ZMYM4: variants seen among roughly 807,000 people sequenced by gnomAD.
ZMYM4 encodes the protein zinc finger MYM-type containing 4, also known as zinc finger MYM-type protein 4.
ZMYM4 carries 31 observed loss-of-function variants against 183.2 expected under a neutral mutation model. That is an observed-to-expected ratio of 0.17 (90% CI 0.13 to 0.23). The LOEUF (loss-of-function observed/expected upper bound fraction) is 0.23. ZMYM4 is among the 10% of genes least tolerant of loss of function. The pLI is 1.00. For missense variants in ZMYM4, 1,273 were observed against 1,840.3 expected (o/e 0.69, Z 5.64); for synonymous variants, 592 against 631.2 (o/e 0.94, Z 0.93).
At chr1:35,339,943 CTGTT>C (rs1447723327) in intron 2 of ZMYM4, among the ~76,000 whole-genome samples, 3 of 152,148 alleles carry the variant, frequency 2.0e-5, no homozygotes, top group Non-Finnish European at 4.4e-5. Context: ...TTTTCTTGGA[CTGTT>C]TGTTTGTTTA....
chr1:35,346,713 T>C (rs1238508142), intron 2 of ZMYM4, among the ~76,000 whole-genome samples: 2 of 150,454 alleles, frequency 1.3e-5, no homozygotes, highest in African/African-American at 4.9e-5. Context: ...ATAATTTCCC[T>C]AAGTAGCTTT....
intron 23 of ZMYM4, chr1:35,400,158 A>G (rs1446866248): frequency 6.7e-6 from 1 of 148,260 alleles, no homozygotes; most frequent in Non-Finnish European, 1.5e-5. Flanking sequence ...AAAAAAAAAA[A>G]GTAATAATAA....
chr1:35,396,441 G>C, intron 18 of ZMYM4, 111 bp from the exon 19 acceptor site: 1 of 1,455,128 alleles, frequency 6.9e-7, no homozygotes, highest in South Asian at 1.4e-5. Context: ...TAGTGTCATA[G>C]GTTACTCTTA....
At chr1:35,302,628 G>T (rs1028480737) in intron 1 of ZMYM4, among the ~76,000 whole-genome samples, 1 of 151,728 alleles carries the variant, frequency 6.6e-6, no homozygotes, top group East Asian at 1.9e-4. Flanking sequence ...CTCATGATCC[G>T]CCCTCCTCGG....
intron 2 of ZMYM4, among the ~76,000 whole-genome samples, chr1:35,340,342 A>G (rs1643152880): frequency 1.3e-5 from 2 of 152,154 alleles, no homozygotes; most frequent in Admixed American, 1.3e-4. Context: ...TAGCTTTTCC[A>G]TGGACCCAGG....
At chr1:35,368,120 A>T (rs977920037) in intron 5 of ZMYM4, among the ~76,000 whole-genome samples, 3 of 119,738 alleles carry the variant, frequency 2.5e-5, no homozygotes, top group African/African-American at 9.9e-5. Context: ...ATAAAGTTTT[A>T]TTTGAACATT....
At chr1:35,275,708 G>A (rs1219769663) in intron 1 of ZMYM4, among the ~76,000 whole-genome samples, 1 of 151,946 alleles carries the variant, frequency 6.6e-6, no homozygotes, top group Non-Finnish European at 1.5e-5. Flanking sequence ...ACTTACTTTA[G>A]CAAAGGAGAA....
chr1:35,294,533 TATG>T (rs1033811276), intron 1 of ZMYM4, among the ~76,000 whole-genome samples: 1 of 152,128 alleles, frequency 6.6e-6, no homozygotes, highest in Non-Finnish European at 1.5e-5. Context: ...GGGTCTTAAA[TATG>T]ATACTGGTAT....
intron 1 of ZMYM4, among the ~76,000 whole-genome samples, chr1:35,278,502 T>C (rs1639984903): frequency 1.3e-5 from 2 of 151,410 alleles, no homozygotes; most frequent in African/African-American, 2.4e-5. Flanking sequence ...CTTGGCTCAC[T>C]GCAACCTCTG....
At chr1:35,380,749 A>G (rs1225118077) in intron 7 of ZMYM4, among the ~76,000 whole-genome samples, 4 of 152,162 alleles carry the variant, frequency 2.6e-5, no homozygotes, top group Non-Finnish European at 4.4e-5. Context: ...TTAATCTTCA[A>G]TGCCTTTGTT....
At chr1:35,273,462 C>T (rs896669211) in intron 1 of ZMYM4, among the ~76,000 whole-genome samples, 8 of 152,068 alleles carry the variant, frequency 5.3e-5, no homozygotes, top group Non-Finnish European at 1.0e-4. Flanking sequence ...CTAACTAAAT[C>T]GGGCGGCCAT....
intron 2 of ZMYM4, among the ~76,000 whole-genome samples, chr1:35,339,478 G>T (rs1309291135): frequency 6.6e-6 from 1 of 152,042 alleles, no homozygotes; most frequent in Admixed American, 6.6e-5. Context: ...CAGGTGATCC[G>T]CCTGCCTTGG....
intron 5 of ZMYM4, among the ~76,000 whole-genome samples, chr1:35,365,268 T>C (rs1212416798): frequency 7.0e-6 from 1 of 142,046 alleles, no homozygotes; most frequent in Non-Finnish European, 1.5e-5. Flanking sequence ...TTTTTTAGTC[T>C]ACCAATCTTT....
At chr1:35,418,315 T>C (rs1640202597) in intron 28 of ZMYM4, 128 bp from the exon 29 acceptor site, 1 of 943,720 alleles carries the variant, frequency 1.1e-6, no homozygotes, top group African/African-American at 1.7e-5. Flanking sequence ...ATTTGTTGAA[T>C]GAGTGTGAGT....
chr1:35,393,487 T>A (rs1644747003), intron 17 of ZMYM4, 108 bp from the exon 18 acceptor site: 2 of 1,003,522 alleles, frequency 2.0e-6, no homozygotes, highest in East Asian at 5.5e-5. Flanking sequence ...ACTTGCTATG[T>A]CCTCCATGTA....
intron 1 of ZMYM4, among the ~76,000 whole-genome samples, chr1:35,301,375 C>T (rs144728410): frequency 6.6e-6 from 1 of 152,046 alleles, no homozygotes; most frequent in East Asian, 1.9e-4. Context: ...GGTGAAACCT[C>T]GTCTCTACTA....
At chr1:35,311,440 A>T (rs968930385) in intron 1 of ZMYM4, among the ~76,000 whole-genome samples, 2 of 151,406 alleles carry the variant, frequency 1.3e-5, no homozygotes, top group Admixed American at 1.3e-4. Context: ...AAAAAAAAAA[A>T]GTCATAAATG....
intron 5 of ZMYM4, among the ~76,000 whole-genome samples, chr1:35,368,176 C>T (rs1644134909): frequency 6.6e-6 from 1 of 150,500 alleles, no homozygotes; most frequent in Non-Finnish European, 1.5e-5. Flanking sequence ...TTTGCTCCAC[C>T]AGAGCAGAGT....
At chr1:35,397,882 A>G (rs1345264436) in intron 20 of ZMYM4, among the ~76,000 whole-genome samples, 1 of 152,222 alleles carries the variant, frequency 6.6e-6, no homozygotes, top group Admixed American at 6.5e-5. Flanking sequence ...GCATGCTGGT[A>G]GAGGGTAAAT....
Sources: gnomAD v4.1 joint callset for allele counts (sites outside exome capture counted in the v4.1 genomes callset) on GRCh38, gnomAD v4.1.1 for gene constraint, MANE v1.5 for transcripts, NCBI Gene and HGNC (gene_info 2026-07-23, HGNC 2026-07-21) for gene names.